ROBO1: variants seen among roughly 807,000 people sequenced by gnomAD.
ROBO1 encodes the protein roundabout homolog 1.
ROBO1 carries 149 observed loss-of-function variants against 195.9 expected under a neutral mutation model. The observed-to-expected ratio is 0.76, with a 90% CI of 0.67 to 0.87. The LOEUF (loss-of-function observed/expected upper bound fraction) is 0.87. Ranked by LOEUF, ROBO1 falls within the 40% of genes least tolerant of loss-of-function variation. The pLI is 0.00. For missense variants in ROBO1, 1,933 were observed against 2,068.3 expected, an observed-to-expected ratio of 0.93 and a Z score of 1.27; for synonymous variants, 816 against 733.2, an observed-to-expected ratio of 1.11 and a Z score of -1.82.
At chr3:79,672,806 T>A (rs750829540) in intron 1 of ROBO1, among the ~76,000 whole-genome samples, 2 of 151,908 alleles carry the variant, frequency 1.3e-5, no homozygotes, top group Non-Finnish European at 2.9e-5. Context: ...AATGACAATA[T>A]TTTCTCTATG....
chr3:79,382,298 T>G (rs1361592619), intron 2 of ROBO1, among the ~76,000 whole-genome samples: 1 of 152,170 alleles, frequency 6.6e-6, no homozygotes, highest in African/African-American at 2.4e-5. Flanking sequence ...CAACTTATAA[T>G]GTAAAAATCT....
At chr3:78,670,534 C>T in intron 10 of ROBO1, 1 of 504,746 alleles carries the variant, frequency 2.0e-6, no homozygotes, top group Non-Finnish European at 3.6e-6. Flanking sequence ...GAGCTGGCTG[C>T]ATCGTCAAGA....
intron 2 of ROBO1, among the ~76,000 whole-genome samples, chr3:79,551,684 C>A (rs1942517044): frequency 6.6e-6 from 1 of 151,846 alleles, no homozygotes. Context: ...TAGCAAATGT[C>A]AGCACAGCAA....
intron 2 of ROBO1, among the ~76,000 whole-genome samples, chr3:79,377,276 A>G (rs1405272042): frequency 6.6e-6 from 1 of 152,238 alleles, no homozygotes; most frequent in Non-Finnish European, 1.5e-5. Flanking sequence ...TAAAAAGTTC[A>G]TTATTCTGAC....
chr3:79,375,844 C>A (rs566353669), intron 2 of ROBO1, among the ~76,000 whole-genome samples: 1 of 152,248 alleles, frequency 6.6e-6, no homozygotes, highest in East Asian at 1.9e-4. Flanking sequence ...GATCTTAAAC[C>A]TGTTCTGGGC....
At chr3:79,746,828 A>T (rs1192550926) in intron 1 of ROBO1, among the ~76,000 whole-genome samples, 1 of 152,102 alleles carries the variant, frequency 6.6e-6, no homozygotes, top group Non-Finnish European at 1.5e-5. Flanking sequence ...TTGCTGTGAT[A>T]GCTTACATTT....
intron 2 of ROBO1, among the ~76,000 whole-genome samples, chr3:79,330,510 T>C (rs899928203): frequency 1.3e-5 from 2 of 151,130 alleles, no homozygotes; most frequent in African/African-American, 4.8e-5. Context: ...TTATATGAAA[T>C]GAAAATTGTA....
chr3:79,253,711 G>GC (rs1478354960), intron 2 of ROBO1, among the ~76,000 whole-genome samples: 1 of 152,152 alleles, frequency 6.6e-6, no homozygotes, highest in Non-Finnish European at 1.5e-5. Context: ...CAAAATTCCT[G>GC]CAAGTGCAAA....
intron 26 of ROBO1, among the ~76,000 whole-genome samples, chr3:78,622,517 T>C (rs1316910169): frequency 6.6e-6 from 1 of 152,212 alleles, no homozygotes; most frequent in Non-Finnish European, 1.5e-5. Context: ...ACATACTTAA[T>C]GTAAGCTACA....
At chr3:79,188,286 G>A (rs1249741461) in intron 2 of ROBO1, among the ~76,000 whole-genome samples, 6 of 151,848 alleles carry the variant, frequency 4.0e-5, no homozygotes, top group Non-Finnish European at 7.4e-5. Context: ...AGGAAAGGCT[G>A]TTGCTTCTTT....
chr3:79,063,288 T>C (rs1024361164), intron 3 of ROBO1, among the ~76,000 whole-genome samples: 1 of 151,986 alleles, frequency 6.6e-6, no homozygotes, highest in Non-Finnish European at 1.5e-5. Flanking sequence ...TTGCTGGTTA[T>C]GAAGATAGCT....
rs574490210 is a variant in ROBO1 at position 78,746,148 on chromosome 3, C to T, written c.657+595G>A. Among the ~76,000 whole-genome samples, 12 of 152,172 alleles carry T rather than the reference C, an allele frequency of 7.9e-5. No individual in the cohort carries two copies. In the East Asian group the frequency reaches 1.4e-3, roughly 17 times the overall value. On this transcript the variant is annotated intron_variant, in intron 5 of 30. Coordinates refer to ENST00000464233, the MANE Select transcript of ROBO1 (RefSeq NM_002941.4). Reference sequence around the variant, plus strand: ...AGAATCACGGCTGTCAAGAAGAAAACGCATCTTGACTTCATACAAATCACA... The same window carrying T: ...AGAATCACGGCTGTCAAGAAGAAAATGCATCTTGACTTCATACAAATCACA...
chr3:78,963,398 G>C (rs2041485297), intron 3 of ROBO1, among the ~76,000 whole-genome samples: 2 of 148,084 alleles, frequency 1.4e-5, no homozygotes, highest in African/African-American at 4.9e-5. Flanking sequence ...AATTTGAGTG[G>C]ATCAGAGACT....
intron 2 of ROBO1, among the ~76,000 whole-genome samples, chr3:79,225,099 G>A (rs187373971): frequency 6.6e-6 from 1 of 152,062 alleles, no homozygotes; most frequent in African/African-American, 2.4e-5. Context: ...AATAGCATGT[G>A]TTTTATGGCC....
chr3:79,677,672 G>A (rs1247991986), intron 1 of ROBO1, among the ~76,000 whole-genome samples: 1 of 152,084 alleles, frequency 6.6e-6, no homozygotes, highest in Non-Finnish European at 1.5e-5. Context: ...ACTGCAAGTG[G>A]TCTCTGTGGC....
chr3:78,837,039 A>G (rs2032800996), intron 4 of ROBO1, among the ~76,000 whole-genome samples: 1 of 152,204 alleles, frequency 6.6e-6, no homozygotes, highest in Non-Finnish European at 1.5e-5. Context: ...TATTGTAAAA[A>G]GTGTGAAATA....
chr3:79,726,348 T>C (rs888883224), intron 1 of ROBO1, among the ~76,000 whole-genome samples: 19 of 152,188 alleles, frequency 1.2e-4, no homozygotes, highest in African/African-American at 4.6e-4. Flanking sequence ...AGCAGAACCT[T>C]CCTGAACCCT....
intron 1 of ROBO1, among the ~76,000 whole-genome samples, chr3:79,602,723 A>T (rs985120004): frequency 2.0e-5 from 3 of 152,034 alleles, no homozygotes; most frequent in African/African-American, 7.2e-5. Context: ...TTAATGAAAG[A>T]GTATAAATTT....
intron 2 of ROBO1, among the ~76,000 whole-genome samples, chr3:79,506,322 G>A (rs1380386312): frequency 6.6e-6 from 1 of 152,134 alleles, no homozygotes. Context: ...CAGCAACGGG[G>A]TGAATAGAAG....
Sources: gnomAD v4.1 joint callset for allele counts (sites outside exome capture counted in the v4.1 genomes callset) on GRCh38, gnomAD v4.1.1 for gene constraint, MANE v1.5 for transcripts, NCBI Gene and HGNC (gene_info 2026-07-23, HGNC 2026-07-21) for gene names.